Variants in DUSP4 observed in about 807,000 individuals in gnomAD.
DUSP4 encodes dual specificity phosphatase 4, also known as dual specificity protein phosphatase 4.
In DUSP4, 12 loss-of-function variants were observed where a neutral mutation model predicts 27.2. The ratio of observed to expected loss-of-function variants is 0.44; its 90% confidence interval spans 0.28 to 0.71. The LOEUF (loss-of-function observed/expected upper bound fraction) is 0.71, where lower values mean the gene tolerates loss of function less well. DUSP4 is among the 30% of genes least tolerant of loss of function. The pLI, the probability that DUSP4 is intolerant of heterozygous loss-of-function variation, is 0.14. For synonymous variants in DUSP4, 257 were observed against 245.2 expected (o/e 1.05, Z -0.45); for missense variants, 448 against 551.3 (o/e 0.81, Z 1.88).
chr8:29,347,745 A>C (rs1817755610), intron 1 of DUSP4: 1 of 985,230 alleles, frequency 1.0e-6, no homozygotes, highest in Non-Finnish European at 1.2e-6. Context: ...TACTTCTCTT[A>C]TGTTGGCCAG....
At chr8:29,341,957 A>G (rs538606250) in intron 1 of DUSP4, among the ~76,000 whole-genome samples, 1 of 152,278 alleles carries the variant, frequency 6.6e-6, no homozygotes, top group Non-Finnish European at 1.5e-5. Context: ...AATTCTAAGT[A>G]CATGATCCTT....
rs536950242 is a variant in DUSP4, at chr8:29,335,341, A to T, written c.*1685T>A. On this transcript the variant is annotated 3_prime_UTR_variant, in exon 4 of 4. Transcript: ENST00000240100. ...TCAAAATGGCGCCTGCGTGCCCATGACGCACGTCACGGGAGCCAGCGGCCA... is the reference window on the plus strand; with the variant it reads ...TCAAAATGGCGCCTGCGTGCCCATGTCGCACGTCACGGGAGCCAGCGGCCA... 6.6e-6 allele frequency: 1 copy of T among 152,316 alleles called. No homozygotes were observed. The highest frequency in any genetic ancestry group is 2.1e-4 in the South Asian group (1 of 4,826). The allele number at this position is 152,316 out of a possible 1,614,324, so 9.4% of individuals were successfully genotyped here. A position where few individuals can be genotyped will look rare whatever the true frequency, so the allele number is the denominator to read the frequency against.
rs773054971 is a variant in DUSP4, at chr8:29,337,273, C to G, written c.938G>C (p.Arg313Pro). The change falls in exon 4 of 4, where the codon CGC becomes CCC. Residue 313 changes from arginine to proline, a missense_variant. Around this residue, in one of 3 missense-constraint regions of DUSP4, gnomAD observed 100 missense variants for 139.8 expected, o/e 0.72. Transcript: ENST00000240100. The surrounding 1 kb of genome is among the most constrained non-coding windows in gnomAD (Gnocchi z 6.4). ...LEEAFEFVKQ[R>P]RSIISPNFSF... ...GAAGTTGGGCGAGATGATGCTGCGG[C>G]GCTGCTTAACGAACTCGAAGGCCTC... is the stretch of plus-strand genomic sequence containing the variant. The G allele has an allele frequency of 6.2e-7, 1 of 1,613,636 alleles. No homozygotes were observed. Among genetic ancestry groups the G allele is most frequent in the Non-Finnish European group, 8.5e-7 (1 of 1,179,998 alleles).
rs185275766 is a variant in DUSP4, at chr8:29,350,609, C to T, written c.-331G>A. 3,364 of 297,336 alleles carry T rather than the reference C, an allele frequency of 0.011. 28 individuals carry two copies. The highest frequency in any genetic ancestry group is 0.014 in the Non-Finnish European group (2,239 of 161,958). 18.4% of individuals were successfully genotyped at this position (297,336 alleles called of 1,614,324 possible). On this transcript the variant is annotated 5_prime_UTR_variant, in exon 1 of 4. Transcript: ENST00000240100. Reference sequence around the variant, plus strand: ...GCCTCCCGTGTATTTTTGCCGGTCGCGCGGCTCCTGTCGCCACTGGCGCCA... The same window carrying T: ...GCCTCCCGTGTATTTTTGCCGGTCGTGCGGCTCCTGTCGCCACTGGCGCCA...
intron 1 of DUSP4, chr8:29,345,556 C>A: frequency 6.5e-7 from 1 of 1,534,622 alleles, no homozygotes. Flanking sequence ...TAGCCAGGAA[C>A]TGCCTCCCGG....
rs769792484 is a variant in DUSP4 at position 29,337,163 on chromosome 8, G to C, written c.1048C>G (p.Leu350Val). The change falls in exon 4 of 4, where the codon CTG becomes GTG. Residue 350 changes from leucine to valine, a missense_variant. By Grantham distance (32) the Leu-to-Val change is conservative. Coordinates refer to ENST00000240100, the MANE Select transcript of DUSP4 (RefSeq NM_001394.7). The surrounding 1 kb of genome is among the most constrained non-coding windows in gnomAD (Gnocchi z 6.4). ...GCGGGGGTCTTGCCCCGCTCCCGCA[G>C]GGGTCCCGAGGGGCTAGCAGCCTCC... ...AAEAASPSGPLRERGKTPATP... is the reference protein window; with the variant it reads ...AAEAASPSGPVRERGKTPATP... The C allele has an allele frequency of 6.2e-7, 1 of 1,611,678 alleles. No homozygotes were observed. The highest frequency in any genetic ancestry group is 8.5e-7 in the Non-Finnish European group (1 of 1,179,042).
Position 29,336,093 on chromosome 8 carries a change from CTTTT to C in DUSP4, c.*929_*932del, listed in dbSNP as rs34004350. On this transcript the variant is annotated 3_prime_UTR_variant, in exon 4 of 4. Transcript: ENST00000240100. ...GAGATGCTGTCTTTTTTTTTCTTTT[CTTTT>C]TTTTTAAAAAAGCAATTCAAACCTA... is the stretch of plus-strand genomic sequence containing the variant. 3 of 149,974 alleles carry C rather than the reference CTTTT, an allele frequency of 2.0e-5. No homozygotes were observed. Among genetic ancestry groups the C allele is most frequent in the Non-Finnish European group, 4.5e-5 (3 of 67,388 alleles). 9.3% of individuals were successfully genotyped at this position (149,974 alleles called of 1,614,324 possible).
Position 29,335,214 on chromosome 8 carries a change from C to T in DUSP4, c.*1812G>A, listed in dbSNP as rs183100545. On this transcript the variant is annotated 3_prime_UTR_variant, in exon 4 of 4. Transcript: ENST00000240100. Reference sequence around the variant, plus strand: ...TAGCTTGTTCCCTCCTCCCTCCCCCCCAAACCCTCCCCACAGAAAACGTGT... The same window carrying T: ...TAGCTTGTTCCCTCCTCCCTCCCCCTCAAACCCTCCCCACAGAAAACGTGT... 6.6e-6 allele frequency: 1 copy of T among 152,160 alleles called. No individual in the cohort carries two copies. The highest frequency in any genetic ancestry group is 1.5e-5 in the Non-Finnish European group (1 of 68,036). The allele number at this position is 152,160 out of a possible 1,614,324, so 9.4% of individuals were successfully genotyped here.
Position 29,340,074 on chromosome 8 carries a change from C to T in DUSP4, c.579+24G>A, listed in dbSNP as rs1817634359. The T allele has an allele frequency of 1.9e-6, 3 of 1,551,990 alleles. No homozygotes were observed. The East Asian group carries it at 7.3e-5, about 38-fold the overall frequency. On this transcript the variant is annotated intron_variant, in intron 2 of 3. Coordinates refer to ENST00000240100, the MANE Select transcript of DUSP4 (RefSeq NM_001394.7). Reference sequence around the variant, plus strand: ...CCTACGCTGTTCCTGCCCCCCACTTCCAAGCCCTGCCCCCCGAGTCTACCT... The same window carrying T: ...CCTACGCTGTTCCTGCCCCCCACTTTCAAGCCCTGCCCCCCGAGTCTACCT...
Position 29,348,760 on chromosome 8 carries a change from G to C in DUSP4, c.433+1086C>G, listed in dbSNP as rs1015434042. 6.2e-5 allele frequency: 61 copies of C among 985,470 alleles called. 1 individual carries two copies. The highest frequency in any genetic ancestry group is 5.2e-4 in the Middle Eastern group (1 of 1,918). 61.0% of individuals were successfully genotyped at this position (985,470 alleles called of 1,614,324 possible). A position where few individuals can be genotyped will look rare whatever the true frequency, so the allele number is the denominator to read the frequency against. ...GAGGGAGGCGGCGAAGGCGCCTGCG[G>C]GGGGGAGGAGCGGCTCTTTGATGGG... On this transcript the variant is annotated intron_variant, in intron 1 of 3. Coordinates refer to ENST00000240100, the MANE Select transcript of DUSP4 (RefSeq NM_001394.7).
At position 29,337,305 on chromosome 8, in the gene DUSP4, C is replaced by A; in HGVS notation, c.906G>T (p.Arg302Ser). 6.2e-7 allele frequency: 1 copy of A among 1,613,266 alleles called. No individual in the cohort carries two copies. The highest frequency in any genetic ancestry group is 2.2e-5 in the East Asian group (1 of 44,888). Residue 302 changes from arginine (R) to serine (S), a missense_variant, in exon 4 of 4, where the codon AGG (arginine) becomes AGT (serine). Physicochemically the swap from Arg to Ser is moderately radical, Grantham distance 110. Around this residue, in one of 3 missense-constraint regions of DUSP4, gnomAD observed 100 missense variants for 139.8 expected, o/e 0.72. Coordinates refer to ENST00000240100, the MANE Select transcript of DUSP4 (RefSeq NM_001394.7). The surrounding 1 kb of genome is among the most constrained non-coding windows in gnomAD (Gnocchi z 6.4). ...TAACGAACTCGAAGGCCTCCTCCAGCCTCACCCGTTTCTTCATCATCAGGT... is the reference window on the plus strand; with the variant it reads ...TAACGAACTCGAAGGCCTCCTCCAGACTCACCCGTTTCTTCATCATCAGGT... The part of the protein sequence containing the change: ...LAYLMMKKRV[R>S]LEEAFEFVKQ...
chr8:29,344,693 C>A lies in DUSP4; in HGVS notation c.434-4450G>T, dbSNP rs565992385. 3.3e-5 allele frequency among the ~76,000 whole-genome samples: 5 copies of A among 152,300 alleles called. No individual in the cohort carries two copies. The South Asian group carries it at 1.0e-3, about 32-fold the overall frequency. On this transcript the variant is annotated intron_variant, in intron 1 of 3. Coordinates refer to ENST00000240100, the MANE Select transcript of DUSP4 (RefSeq NM_001394.7). Reference sequence around the variant, plus strand: ...ATTAGAAGCCCTCCACCACACTCCCCCGTCCCTTGCAGGAGTAGGAGATAA... The same window carrying A: ...ATTAGAAGCCCTCCACCACACTCCCACGTCCCTTGCAGGAGTAGGAGATAA...
In DUSP4 at chr8:29,333,577, G is replaced by A. The variant is rs1817526894; in HGVS notation, c.*3449C>T. The A allele has an allele frequency of 6.6e-6, 1 of 152,256 alleles. No homozygotes were observed. Among genetic ancestry groups the A allele is most frequent in the South Asian group, 2.1e-4 (1 of 4,832 alleles). 9.4% of individuals were successfully genotyped at this position (152,256 alleles called of 1,614,324 possible). On this transcript the variant is annotated 3_prime_UTR_variant, in exon 4 of 4. Coordinates refer to ENST00000240100, the MANE Select transcript of DUSP4 (RefSeq NM_001394.7). Reference sequence around the variant, plus strand: ...GAGCCAGTGGCAAACCCGTGGCTGTGGTTTCCACAAGACAACCTGGCTCTG... The same window carrying A: ...GAGCCAGTGGCAAACCCGTGGCTGTAGTTTCCACAAGACAACCTGGCTCTG...
At chr8:29,349,799 C>T (rs778963341) in intron 1 of DUSP4, 47 bp downstream of exon 1, 4 of 1,451,220 alleles carry the variant, frequency 2.8e-6, no homozygotes, top group East Asian at 2.5e-5. Flanking sequence ...CCGCCAAGAC[C>T]CCCTCCATCT....
At chr8:29,348,696 G>C in intron 1 of DUSP4, 2 of 985,512 alleles carry the variant, frequency 2.0e-6, no homozygotes, top group Non-Finnish European at 2.4e-6. Context: ...CTTCCTCCCG[G>C]GTGGACAGGT....
At chr8:29,345,275 G>A (rs919107824) in intron 1 of DUSP4, 2 of 1,459,854 alleles carry the variant, frequency 1.4e-6, no homozygotes, top group Admixed American at 2.1e-5. Flanking sequence ...AAGGCCATTT[G>A]CCTTTGGGAA....
chr8:29,344,810 G>A (rs1219977951), intron 1 of DUSP4, among the ~76,000 whole-genome samples: 1 of 151,494 alleles, frequency 6.6e-6, no homozygotes, highest in East Asian at 1.9e-4. Context: ...CTGTCCTTTG[G>A]TGGTGACTAT....
At chr8:29,345,264 G>C (rs1817713877) in intron 1 of DUSP4, 3 of 1,357,458 alleles carry the variant, frequency 2.2e-6, no homozygotes. Flanking sequence ...GGGGTTGTTT[G>C]AAGGCCATTT....
chr8:29,337,475 C>CG lies in DUSP4; in HGVS notation c.800-65dup. 1 of 1,516,772 alleles carries CG rather than the reference C, an allele frequency of 6.6e-7. No individual in the cohort carries two copies. Among genetic ancestry groups the CG allele is most frequent in the Non-Finnish European group, 8.8e-7 (1 of 1,138,516 alleles). The allele number at this position is 1,516,772 out of a possible 1,614,324, so 94.0% of individuals were successfully genotyped here. ...AGACCCCAGCCCCGACCAGGGGCAC[C>CG]GGCCAGCCCCTGGGGTCGGGGGGCT... is the stretch of plus-strand genomic sequence containing the variant. On this transcript the variant is annotated intron_variant, in intron 3 of 3. Transcript: ENST00000240100. The surrounding 1 kb of genome is among the most constrained non-coding windows in gnomAD (Gnocchi z 6.4).
Sources: allele counts gnomAD v4.1 joint callset (sites outside exome capture counted in the v4.1 genomes callset), GRCh38; gene constraint gnomAD v4.1.1; regional missense constraint gnomAD v4.1.1; non-coding constraint Gnocchi (gnomAD v3.1); transcripts MANE v1.5; gene names NCBI Gene and HGNC (gene_info 2026-07-23, HGNC 2026-07-21).